The following TRPM3 variants were observed in gnomAD, a reference collection of about 807,000 sequenced individuals.
The protein encoded by TRPM3 is long transient receptor potential channel 3.
In TRPM3, 77 loss-of-function variants were observed where a neutral mutation model predicts 181.2. That is an observed-to-expected ratio of 0.42 (90% CI 0.35 to 0.51). The LOEUF is 0.51. Among genes scored for constraint, TRPM3 ranks in the 20% least tolerant of loss-of-function variants. TRPM3 has a pLI of 0.01. For synonymous variants in TRPM3, 745 were observed against 796.4 expected (o/e 0.94, Z 1.09); for missense variants, 1,759 against 2,196.7 (o/e 0.80, Z 3.98).
intron 1 of TRPM3, among the ~76,000 whole-genome samples, chr9:70,994,227 A>G (rs1401601222): frequency 6.6e-6 from 1 of 152,240 alleles, no homozygotes; most frequent in East Asian, 1.9e-4. Flanking sequence ...TACAGAGAGA[A>G]TGAACTAAAT....
At chr9:71,292,184 G>A (rs973248941) in intron 1 of TRPM3, among the ~76,000 whole-genome samples, 2 of 151,990 alleles carry the variant, frequency 1.3e-5, no homozygotes, top group Admixed American at 1.3e-4. Flanking sequence ...ACAGTACCTC[G>A]AAAGTTGAAA....
Position 71,407,002 on chromosome 9 carries a change from T to G in TRPM3, c.183+39651A>C, listed in dbSNP as rs149186082. Among the ~76,000 whole-genome samples the G allele has an allele frequency of 4.7e-3, 718 of 152,232 alleles. 4 individuals carry two copies. The highest frequency in any genetic ancestry group is 0.027 in the Middle Eastern group (8 of 294). ...CATTAAACATGGCCTACTTATTAAG[T>G]TGGATGGGGAATGTGGCTTAAATTC... On this transcript the variant is annotated intron_variant, in intron 1 of 24. Coordinates refer to the TRPM3 transcript ENST00000357533.
chr9:70,643,906 C>T (rs1422932404), intron 9 of TRPM3, among the ~76,000 whole-genome samples: 3 of 152,160 alleles, frequency 2.0e-5, no homozygotes, highest in Non-Finnish European at 2.9e-5. Flanking sequence ...TTTACTTATG[C>T]GTTCAAAGAT....
chr9:70,870,785 T>C (rs932013447), intron 1 of TRPM3, among the ~76,000 whole-genome samples: 2 of 152,026 alleles, frequency 1.3e-5, no homozygotes, highest in African/African-American at 4.8e-5. Context: ...AAATTATAAA[T>C]TTTAAATAGA....
intron 1 of TRPM3, among the ~76,000 whole-genome samples, chr9:71,022,597 C>A (rs997345823): frequency 5.3e-5 from 8 of 151,960 alleles, no homozygotes; most frequent in African/African-American, 1.9e-4. Context: ...ACTCAGGAGA[C>A]AGAGGTGGGA....
chr9:70,839,575 C>G (rs1006362461), intron 5 of TRPM3, among the ~76,000 whole-genome samples: 24 of 152,250 alleles, frequency 1.6e-4, no homozygotes, highest in African/African-American at 5.3e-4. Flanking sequence ...ACAAAAATAA[C>G]ATAATTTATA....
chr9:70,604,457 A>G (rs1289905098), intron 19 of TRPM3, among the ~76,000 whole-genome samples: 1 of 152,222 alleles, frequency 6.6e-6, no homozygotes, highest in African/African-American at 2.4e-5. Context: ...GCAGGAACCA[A>G]GAGGGAGTTT....
At chr9:70,835,899 A>T (rs1425114763) in intron 5 of TRPM3, among the ~76,000 whole-genome samples, 1 of 152,294 alleles carries the variant, frequency 6.6e-6, no homozygotes, top group East Asian at 1.9e-4. Flanking sequence ...TCCCAGAAAC[A>T]TCCATCACCA....
intron 8 of TRPM3, among the ~76,000 whole-genome samples, chr9:70,752,225 C>A (rs7848308): frequency 0.42 from 63,688 of 151,942 alleles, 13,936 homozygotes; most frequent in African/African-American, 0.54. Context: ...AAAAATAGGG[C>A]ACCAGGGAAG....
At chr9:71,332,427 CTT>C (rs2090273282) in intron 1 of TRPM3, among the ~76,000 whole-genome samples, 1 of 148,688 alleles carries the variant, frequency 6.7e-6, no homozygotes, top group Admixed American at 6.7e-5. Context: ...GCACAGAACT[CTT>C]TGCTCCAGTG....
At chr9:71,187,623 G>T (rs556028636) in intron 1 of TRPM3, among the ~76,000 whole-genome samples, 6 of 151,732 alleles carry the variant, frequency 4.0e-5, no homozygotes, top group Admixed American at 2.0e-4. Flanking sequence ...TTTAACCAAA[G>T]GTTTATTTTT....
chr9:70,608,941 A>G (rs1242472184), intron 19 of TRPM3, among the ~76,000 whole-genome samples: 3 of 152,234 alleles, frequency 2.0e-5, no homozygotes, highest in Non-Finnish European at 4.4e-5. Flanking sequence ...TAGGTGCTCA[A>G]TAAAAGAAAG....
intron 1 of TRPM3, among the ~76,000 whole-genome samples, chr9:70,897,601 T>C (rs1177229808): frequency 1.3e-5 from 2 of 152,160 alleles, no homozygotes; most frequent in African/African-American, 4.8e-5. Context: ...AAGAGAAAAT[T>C]GTTTTCTCAG....
At chr9:70,643,575 C>T (rs929465951) in intron 9 of TRPM3, among the ~76,000 whole-genome samples, 4 of 152,186 alleles carry the variant, frequency 2.6e-5, no homozygotes, top group South Asian at 4.1e-4. Context: ...CAGTGGTTCT[C>T]GGCTAAGGTG....
chr9:71,353,335 T>C (rs541708799), intron 1 of TRPM3, among the ~76,000 whole-genome samples: 42 of 152,252 alleles, frequency 2.8e-4, no homozygotes, highest in Middle Eastern at 3.4e-3. Context: ...ATTTCCTTAG[T>C]GTTTGGAACA....
chr9:70,849,084 G>A (rs1345731984), intron 3 of TRPM3, among the ~76,000 whole-genome samples: 1 of 151,772 alleles, frequency 6.6e-6, no homozygotes, highest in African/African-American at 2.4e-5. Context: ...TTTTCATACT[G>A]CCAAAACTGA....
rs113596237 is a variant in TRPM3, at chr9:70,637,094, G to A, written c.1582-1833C>T. On this transcript the variant is annotated intron_variant, in intron 11 of 25. Coordinates refer to ENST00000677713, the MANE Select transcript of TRPM3 (RefSeq NM_001366145.2). The stretch of plus-strand genomic sequence containing the variant: ...CCATCAGAGCTCTTTTTCCACTGAG[G>A]GGATGCTGGATTGTGCAGTGATTTA... Among the ~76,000 whole-genome samples the A allele has an allele frequency of 3.7e-3, 558 of 152,222 alleles. 2 individuals are homozygous for A. Among genetic ancestry groups the A allele is most frequent in the African/African-American group, 0.013 (525 of 41,552 alleles).
intron 1 of TRPM3, among the ~76,000 whole-genome samples, chr9:71,274,679 T>C (rs552610541): frequency 1.3e-5 from 2 of 152,354 alleles, no homozygotes; most frequent in East Asian, 1.9e-4. Context: ...AAAATAAGTG[T>C]CATTTTCTTG....
At chr9:70,828,087 G>A in intron 5 of TRPM3, 69 bp from the exon 6 acceptor site, 1 of 1,457,924 alleles carries the variant, frequency 6.9e-7, no homozygotes, top group Non-Finnish European at 9.4e-7. Context: ...AGGAGAATCA[G>A]ACAGAGGAAA....
Sources: gnomAD v4.1 joint callset for allele counts (sites outside exome capture counted in the v4.1 genomes callset) on GRCh38, gnomAD v4.1.1 for gene constraint, MANE v1.5 for transcripts, NCBI Gene and HGNC (gene_info 2026-07-23, HGNC 2026-07-21) for gene names.